MYH11: variants seen among roughly 807,000 people sequenced by gnomAD.
MYH11 encodes the protein myosin-11.
A neutral mutation model predicts 246.6 loss-of-function variants in MYH11; 80 were observed. That is an observed-to-expected ratio of 0.32 (90% confidence interval 0.27 to 0.39). The LOEUF (loss-of-function observed/expected upper bound fraction) is 0.39, where lower values mean the gene tolerates loss of function less well. MYH11 is among the 10% of genes least tolerant of loss of function. MYH11 has a pLI of 1.00. For missense variants in MYH11, 2,158 were observed against 2,546.8 expected, an observed-to-expected ratio of 0.85 and a Z score of 3.29; for synonymous variants, 1,071 against 1,015.5, an observed-to-expected ratio of 1.05 and a Z score of -1.04.
chr16:15,769,746 A>G (rs758022622), intron 9 of MYH11, among the ~76,000 whole-genome samples: 5 of 152,210 alleles, frequency 3.3e-5, no homozygotes, highest in African/African-American at 4.8e-5. Flanking sequence ...AAATGGTCTC[A>G]TTGTTTTCTT....
rs752834891 is a variant in MYH11, at chr16:15,814,140, C to CAAA, written c.502+9112_502+9114dup. On this transcript the variant is annotated intron_variant, in intron 3 of 40. Transcript: ENST00000300036. ...GCGACAAGAGGGAAACTCCATCCCC[C>CAAA]AAAAAAAAACAAACAAACCAAAAAG... Among the ~76,000 whole-genome samples, 335 of 104,088 alleles carry CAAA rather than the reference C, an allele frequency of 3.2e-3. 1 individual carries two copies. The highest frequency in any genetic ancestry group is 0.023 in the Middle Eastern group (4 of 176). The allele number at this position is 104,088 out of a possible 152,430, so 68.3% of individuals were successfully genotyped here. A position where few individuals can be genotyped will look rare whatever the true frequency, so the allele number is the denominator to read the frequency against.
rs1416934930 is a variant in MYH11 at position 15,720,229 on chromosome 16, G to A, written c.4875C>T (p.Asp1625=). The A allele has an allele frequency of 6.2e-7, 1 of 1,614,056 alleles. No homozygotes were observed. The highest frequency in any genetic ancestry group is 1.7e-5 in the Admixed American group (1 of 59,994). ...AAAAKKKLEG[D]LKDLELQADS... Reference sequence around the variant, plus strand: ...CGGCCTGAAGCTCCAGGTCTTTCAGGTCCCCTTCCAGCTTCTTCTTTGCTG... The same window carrying A: ...CGGCCTGAAGCTCCAGGTCTTTCAGATCCCCTTCCAGCTTCTTCTTTGCTG... Residue 1625 remains aspartate (D), a synonymous_variant, in exon 34 of 41, where the codon GAC becomes GAT. Coordinates refer to ENST00000300036, the MANE Select transcript of MYH11 (RefSeq NM_002474.3).
chr16:15,808,956 G>A (rs1312540730), intron 3 of MYH11, among the ~76,000 whole-genome samples: 2 of 152,122 alleles, frequency 1.3e-5, no homozygotes, highest in Middle Eastern at 3.2e-3. Flanking sequence ...GTAGGAGACA[G>A]GAAAACCAAC....
Position 15,756,487 on chromosome 16 carries a change from G to A in MYH11, c.1603C>T (p.Leu535=). ...TTGGGGAACCAGCATTCCTCGTCCA[G>A]CAGGGCCAGCACACCTGGAGGGTTG... The part of the protein sequence containing the change: ...PNNPPGVLAL[L]DEECWFPKAT... The change falls in exon 14 of 41, where the codon CTG becomes TTG. Residue 535 remains leucine, a synonymous_variant. Transcript: ENST00000300036. 1 of 1,614,176 alleles carries A rather than the reference G, an allele frequency of 6.2e-7. No individual in the cohort carries two copies. Among genetic ancestry groups the A allele is most frequent in the Non-Finnish European group, 8.5e-7 (1 of 1,180,040 alleles).
intron 3 of MYH11, among the ~76,000 whole-genome samples, chr16:15,822,902 G>A (rs994654703): frequency 6.6e-6 from 1 of 152,220 alleles, no homozygotes; most frequent in Non-Finnish European, 1.5e-5. Context: ...AGTCCCACAG[G>A]GGTTGAGGGA....
rs959105164 is a variant in MYH11, at chr16:15,757,845, G to C, written c.1557C>G (p.Ile519Met). 6.2e-7 allele frequency: 1 copy of C among 1,614,190 alleles called. No homozygotes were observed. Among genetic ancestry groups the C allele is most frequent in the Non-Finnish European group, 8.5e-7 (1 of 1,180,038 alleles). The change falls in exon 13 of 41, where the codon ATC (isoleucine) becomes ATG (methionine). Residue 519 changes from isoleucine (I) to methionine (M), a missense_variant. Physicochemically the swap from Ile to Met is conservative, Grantham distance 10. This residue lies in a region of MYH11 where 317 missense variants were observed against 507.7 expected (regional missense o/e 0.62). Transcript: ENST00000300036. ...IDFGLDLQPC[I>M]ELIERPNNPP... The stretch of plus-strand genomic sequence containing the variant: ...CCCTCACCGGTCGCTCGATGAGCTC[G>C]ATGCAGGGCTGTAGGTCCAGCCCAA...
In MYH11 at chr16:15,750,650, A is replaced by G. The variant is rs1213014016; in HGVS notation, c.1865-319T>C. ...GTCTCCCTTTCTACAAAAGGGAGGT[A>G]ATAATACCGTCTACCTTCTAGGGCA... is the stretch of plus-strand genomic sequence containing the variant. On this transcript the variant is annotated intron_variant, in intron 15 of 40. Transcript: ENST00000300036. The surrounding 1 kb of genome is among the most constrained non-coding windows in gnomAD (Gnocchi z 4.3). Among the ~76,000 whole-genome samples the G allele has an allele frequency of 6.6e-6, 1 of 152,124 alleles. No individual in the cohort carries two copies. Among genetic ancestry groups the G allele is most frequent in the East Asian group, 1.9e-4 (1 of 5,182 alleles).
chr16:15,807,337 G>A lies in MYH11; in HGVS notation c.503-8650C>T, dbSNP rs138668021. On this transcript the variant is annotated intron_variant, in intron 3 of 40. Transcript: ENST00000300036. Reference sequence around the variant, plus strand: ...GCTTTTGAGAAGTTCATGACCCAGGGTGGGAGTCAGATGGGCAAAGAAATG... The same window carrying A: ...GCTTTTGAGAAGTTCATGACCCAGGATGGGAGTCAGATGGGCAAAGAAATG... Among the ~76,000 whole-genome samples the A allele has an allele frequency of 4.2e-3, 642 of 152,194 alleles. 4 individuals carry two copies. Among genetic ancestry groups the A allele is most frequent in the African/African-American group, 0.015 (623 of 41,518 alleles).
At chr16:15,844,590 C>T (rs1161637665) in intron 1 of MYH11, among the ~76,000 whole-genome samples, 1 of 152,168 alleles carries the variant, frequency 6.6e-6, no homozygotes, top group Non-Finnish European at 1.5e-5. Flanking sequence ...CTGGCAGTAG[C>T]CCACATGTAT....
chr16:15,706,886 G>A (rs187689642), intron 40 of MYH11, among the ~76,000 whole-genome samples: 1 of 152,230 alleles, frequency 6.6e-6, no homozygotes, highest in East Asian at 1.9e-4. Flanking sequence ...GAAGCTCCTT[G>A]CTTGGCTGTC....
chr16:15,802,378 A>G (rs1245933219), intron 3 of MYH11, among the ~76,000 whole-genome samples: 1 of 152,304 alleles, frequency 6.6e-6, no homozygotes, highest in Non-Finnish European at 1.5e-5. Flanking sequence ...AACTTGCCCA[A>G]GGTCACTAGG....
intron 31 of MYH11, among the ~76,000 whole-genome samples, chr16:15,722,351 T>C (rs2040531803): frequency 6.6e-6 from 1 of 152,172 alleles, no homozygotes; most frequent in South Asian, 2.1e-4. Context: ...TGCACACATA[T>C]CTCTCTGCTT....
Position 15,717,162 on chromosome 16 carries a change from C to T in MYH11, c.5482G>A (p.Glu1828Lys), listed in dbSNP as rs1596704207. 2 of 1,614,188 alleles carry T rather than the reference C, an allele frequency of 1.2e-6. No homozygotes were observed. The change falls in exon 38 of 41, where the codon GAG (glutamate) becomes AAG (lysine). Residue 1828 changes from glutamate to lysine, a missense_variant. Physicochemically the swap from Glu to Lys is moderately conservative, Grantham distance 56 (BLOSUM62 1). Coordinates refer to ENST00000300036, the MANE Select transcript of MYH11 (RefSeq NM_002474.3). ...TACCTGGCCTCCTGCTCGACCTGCT[C>T]CTCCAGCTGTGCAATCTTGGCCTCC... ...ALEAKIAQLE[E>K]QVEQEAREKQ... is the part of the protein sequence containing the mutation.
chr16:15,758,020 G>A lies in MYH11; in HGVS notation c.1402-20C>T, dbSNP rs773234580. 5.0e-6 allele frequency: 8 copies of A among 1,612,984 alleles called. No individual in the cohort carries two copies. The South Asian group carries it at 8.8e-5, about 18-fold the overall frequency. ...GTTCACCTGAGCACATGGCGTGGGG[G>A]CGGGGCGTGAGCATCTTGGTATGAA... On this transcript the variant is annotated intron_variant, in intron 12 of 40. Coordinates refer to ENST00000300036, the MANE Select transcript of MYH11 (RefSeq NM_002474.3).
chr16:15,836,719 CT>C (rs780997939), intron 2 of MYH11, among the ~76,000 whole-genome samples: 993 of 95,064 alleles, frequency 0.01, 4 homozygotes, highest in East Asian at 0.015. Flanking sequence ...TTTAATGTTT[CT>C]TTTTTTTTTT....
chr16:15,753,381 GAGA>G lies in MYH11; in HGVS notation c.1864+10_1864+12del. On this transcript the variant is annotated intron_variant, in intron 15 of 40. Coordinates refer to ENST00000300036, the MANE Select transcript of MYH11 (RefSeq NM_002474.3). Reference sequence around the variant, plus strand: ...TCAAAGCAGAACATGGACCCGAGCAGAGAAGGCCTTACCGTCCTTCCACAGGTC... The same window carrying G: ...TCAAAGCAGAACATGGACCCGAGCAGAGGCCTTACCGTCCTTCCACAGGTC... The G allele has an allele frequency of 1.2e-6, 2 of 1,607,002 alleles. No homozygotes were observed. The highest frequency in any genetic ancestry group is 1.3e-5 in the African/African-American group (1 of 74,886).
At chr16:15,727,797 A>AC (rs1187317468) in intron 27 of MYH11, among the ~76,000 whole-genome samples, 2 of 151,978 alleles carry the variant, frequency 1.3e-5, no homozygotes, top group Non-Finnish European at 1.5e-5. Flanking sequence ...ATGTAGTGAG[A>AC]CCCCCATCTC....
chr16:15,738,783 G>T, intron 23 of MYH11, 95 bp from the exon 24 acceptor site: 1 of 1,411,476 alleles, frequency 7.1e-7, no homozygotes, highest in South Asian at 1.2e-5. Flanking sequence ...ACAGTTGAAA[G>T]AAAAACCCAC....
chr16:15,794,434 C>T (rs1183782174), intron 4 of MYH11, among the ~76,000 whole-genome samples: 1 of 152,200 alleles, frequency 6.6e-6, no homozygotes, highest in African/African-American at 2.4e-5. Flanking sequence ...TCTGGGCTGA[C>T]TGGATGCATT....
Sources: gnomAD v4.1 joint callset for allele counts (sites outside exome capture counted in the v4.1 genomes callset) on GRCh38, gnomAD v4.1.1 for gene constraint, gnomAD v4.1.1 regional missense constraint, Gnocchi (gnomAD v3.1) non-coding constraint, MANE v1.5 for transcripts, NCBI Gene and HGNC (gene_info 2026-07-23, HGNC 2026-07-21) for gene names.